Variants in APLF observed in about 807,000 individuals in gnomAD.
The protein encoded by APLF is aprataxin and PNK-like factor.
A neutral mutation model predicts 55.6 loss-of-function variants in APLF; 61 were observed. The ratio of observed to expected loss-of-function variants is 1.10; its 90% CI spans 0.89 to 1.36. The LOEUF (loss-of-function observed/expected upper bound fraction) is 1.36, where lower values mean the gene tolerates loss of function less well. Ranked by LOEUF, APLF falls within the 40% of genes most tolerant of loss-of-function variation. The probability of loss-of-function intolerance (pLI) is 0.00; values close to 1 mark genes in which losing one functional copy is unlikely to be tolerated. For missense variants in APLF, 611 were observed against 602.5 expected (o/e 1.01, Z -0.15); for synonymous variants, 207 against 214.8 (o/e 0.96, Z 0.32).
At chr2:68,469,019 T>A (rs1675530363) in intron 1 of APLF, among the ~76,000 whole-genome samples, 1 of 121,156 alleles carries the variant, frequency 8.3e-6, no homozygotes, top group African/African-American at 3.2e-5. Flanking sequence ...TGTGTGTGTG[T>A]GTTGTGTGTT....
intron 1 of APLF, among the ~76,000 whole-genome samples, chr2:68,469,143 C>T (rs1045291188): frequency 6.6e-6 from 1 of 152,008 alleles, no homozygotes; most frequent in East Asian, 1.9e-4. Flanking sequence ...AACATCATTT[C>T]TATTTTTTTC....
intron 1 of APLF, 83 bp from the exon 2 acceptor site, chr2:68,490,107 G>A (rs112387673): frequency 8.0e-6 from 7 of 875,912 alleles, no homozygotes; most frequent in African/African-American, 3.4e-5. Flanking sequence ...CAGAAACATC[G>A]CCAAGGGTTT....
Position 68,469,017 on chromosome 2 carries a change from T to TGTGC in APLF, c.96+1193_96+1194insCGTG, listed in dbSNP as rs1553366887. Among the ~76,000 whole-genome samples, 72 of 143,124 alleles carry TGTGC rather than the reference T, an allele frequency of 5.0e-4. No homozygotes were observed. The East Asian group carries it at 9.9e-3, about 20-fold the overall frequency. The allele number at this position is 143,124 out of a possible 152,430, so 93.9% of individuals were successfully genotyped here. A position where few individuals can be genotyped will look rare whatever the true frequency, so the allele number is the denominator to read the frequency against. ...GTGTGTGTGTGTGTGTGTGTGTGTG[T>TGTGC]GTGTTGTGTGTTGTGTGTTGTGTAC... On this transcript the variant is annotated intron_variant, in intron 1 of 9. Transcript: ENST00000303795.
chr2:68,555,705 A>G (rs6737302), intron 8 of APLF, among the ~76,000 whole-genome samples: 36,421 of 151,980 alleles, frequency 0.24, 7,047 homozygotes, highest in African/African-American at 0.54. Flanking sequence ...AAAAATAATA[A>G]ATGTTGGTGT....
chr2:68,550,293 G>T (rs954992408), intron 8 of APLF, among the ~76,000 whole-genome samples: 2 of 152,064 alleles, frequency 1.3e-5, no homozygotes, highest in East Asian at 3.9e-4. Flanking sequence ...GTGCAGTGGC[G>T]CAATCTCGGC....
chr2:68,475,897 A>T (rs1040406742), intron 1 of APLF, among the ~76,000 whole-genome samples: 8 of 151,220 alleles, frequency 5.3e-5, no homozygotes, highest in African/African-American at 9.7e-5. Flanking sequence ...ATATATATAT[A>T]TTTTACTTAC....
chr2:68,516,982 T>TTA (rs1292904475), intron 5 of APLF, among the ~76,000 whole-genome samples: 1 of 124,634 alleles, frequency 8.0e-6, no homozygotes, highest in Non-Finnish European at 1.6e-5. Context: ...TATAATATAA[T>TTA]TATATATAAT....
In APLF at chr2:68,547,117, A is replaced by T. The variant is rs181599708; in HGVS notation, c.1286+1805A>T. On this transcript the variant is annotated intron_variant, in intron 8 of 9. Coordinates refer to ENST00000303795, the MANE Select transcript of APLF (RefSeq NM_173545.3). Reference sequence around the variant, plus strand: ...CAGCATTAACCGGTAAGAAAATAAAATTTTTTAAAGATTATAACATCAAAA... The same window carrying T: ...CAGCATTAACCGGTAAGAAAATAAATTTTTTTAAAGATTATAACATCAAAA... Among the ~76,000 whole-genome samples the T allele has an allele frequency of 7.2e-4, 109 of 151,892 alleles. 1 individual carries two copies. Among genetic ancestry groups the T allele is most frequent in the African/African-American group, 2.6e-3 (106 of 41,536 alleles).
At chr2:68,518,792 A>G (rs1398329676) in intron 5 of APLF, among the ~76,000 whole-genome samples, 1 of 33,184 alleles carries the variant, frequency 3.0e-5, no homozygotes, top group African/African-American at 1.4e-4. Flanking sequence ...ATAATAAAAT[A>G]TTAATAATCT....
At chr2:68,530,886 A>T (rs1006200825) in intron 6 of APLF, among the ~76,000 whole-genome samples, 24 of 151,160 alleles carry the variant, frequency 1.6e-4, no homozygotes, top group African/African-American at 5.4e-4. Context: ...TTAAAAAAAA[A>T]TTTTCAGACT....
At chr2:68,538,448 A>G (rs1302037294) in intron 7 of APLF, among the ~76,000 whole-genome samples, 1 of 152,224 alleles carries the variant, frequency 6.6e-6, no homozygotes, top group Non-Finnish European at 1.5e-5. Flanking sequence ...ATATATAGAC[A>G]TGCTGACTAA....
intron 1 of APLF, 95 bp downstream of exon 1, chr2:68,467,922 G>T (rs1327411921): frequency 1.4e-5 from 13 of 943,348 alleles, no homozygotes; most frequent in Admixed American, 4.3e-5. Flanking sequence ...TTTCCCCACC[G>T]CACTGGTCCG....
At chr2:68,550,389 G>A (rs11903177) in intron 8 of APLF, among the ~76,000 whole-genome samples, 11,665 of 151,602 alleles carry the variant, frequency 0.077, 1,310 homozygotes, top group African/African-American at 0.25. Flanking sequence ...CCACCACCAC[G>A]CCCGGCTAAT....
intron 8 of APLF, among the ~76,000 whole-genome samples, chr2:68,552,619 A>G (rs1463845473): frequency 2.6e-5 from 4 of 152,154 alleles, no homozygotes; most frequent in Non-Finnish European, 5.9e-5. Flanking sequence ...GAGGTCCTAC[A>G]TTCTTTTCAG....
At chr2:68,577,542 C>T (rs1339657032) in intron 9 of APLF, among the ~76,000 whole-genome samples, 1 of 152,120 alleles carries the variant, frequency 6.6e-6, no homozygotes, top group Non-Finnish European at 1.5e-5. Context: ...CATTCTACCA[C>T]ATGGGAAGAT....
At chr2:68,568,847 A>C (rs1671379391) in intron 9 of APLF, among the ~76,000 whole-genome samples, 1 of 152,138 alleles carries the variant, frequency 6.6e-6, no homozygotes, top group African/African-American at 2.4e-5. Flanking sequence ...ATAGAAGTAT[A>C]GATATTTTAA....
At chr2:68,572,787 C>T (rs930419956) in intron 9 of APLF, among the ~76,000 whole-genome samples, 13 of 152,088 alleles carry the variant, frequency 8.5e-5, no homozygotes, top group South Asian at 2.1e-4. Flanking sequence ...TGCAGTGAGC[C>T]GTGATTGTGT....
chr2:68,510,828 AT>A (rs1455983236), intron 3 of APLF, among the ~76,000 whole-genome samples: 1 of 151,874 alleles, frequency 6.6e-6, no homozygotes, highest in African/African-American at 2.4e-5. Context: ...ATACAGTAGA[AT>A]ATTATTTGGC....
intron 5 of APLF, among the ~76,000 whole-genome samples, chr2:68,518,115 T>C (rs1212422557): frequency 7.6e-6 from 1 of 130,998 alleles, no homozygotes; most frequent in African/African-American, 2.8e-5. Context: ...ATATATCATA[T>C]ACAATATTAA....
Sources: allele counts gnomAD v4.1 joint callset (sites outside exome capture counted in the v4.1 genomes callset), GRCh38; gene constraint gnomAD v4.1.1; transcripts MANE v1.5; gene names NCBI Gene and HGNC (gene_info 2026-07-23, HGNC 2026-07-21).